The following SGCZ variants were observed in gnomAD, a reference collection of about 807,000 sequenced individuals.
SGCZ encodes the protein zeta-sarcoglycan.
Under a neutral mutation model 41.3 loss-of-function variants are expected in SGCZ, and 40 were observed. The observed-to-expected ratio is 0.97, with a 90% confidence interval of 0.75 to 1.26. SGCZ has a LOEUF of 1.26. Among genes scored for constraint, SGCZ ranks in the 50% most tolerant of loss-of-function variants. The pLI, the probability that SGCZ is intolerant of heterozygous loss-of-function variation, is 0.00. For synonymous variants in SGCZ, 206 were observed against 137.5 expected, an observed-to-expected ratio of 1.50 and a Z score of -3.49; for missense variants, 552 against 369.8, an observed-to-expected ratio of 1.49 and a Z score of -4.04.
intron 1 of SGCZ, among the ~76,000 whole-genome samples, chr8:15,035,040 A>G (rs958295719): frequency 6.6e-6 from 1 of 152,192 alleles, no homozygotes; most frequent in African/African-American, 2.4e-5. Flanking sequence ...AAACAAGTAC[A>G]TAGTCAAATT....
chr8:14,718,600 C>T (rs944258598), intron 1 of SGCZ, among the ~76,000 whole-genome samples: 1 of 151,802 alleles, frequency 6.6e-6, no homozygotes, highest in Non-Finnish European at 1.5e-5. Flanking sequence ...TATACATATA[C>T]AATTTAACAA....
chr8:14,851,601 C>T, intron 1 of SGCZ, among the ~76,000 whole-genome samples: 1 of 151,992 alleles, frequency 6.6e-6, no homozygotes. Context: ...GTTTACTGTC[C>T]TGTCAAAACA....
intron 1 of SGCZ, among the ~76,000 whole-genome samples, chr8:15,114,768 T>C (rs1404520036): frequency 2.6e-5 from 4 of 151,720 alleles, no homozygotes; most frequent in Non-Finnish European, 5.9e-5. Flanking sequence ...TTTTTTTTTT[T>C]TCAGTTTCTC....
At chr8:15,152,693 T>A (rs1224910889) in intron 1 of SGCZ, among the ~76,000 whole-genome samples, 3 of 152,268 alleles carry the variant, frequency 2.0e-5, no homozygotes, top group Admixed American at 2.0e-4. Flanking sequence ...TTAACTTACC[T>A]GGTCGAGAAT....
intron 4 of SGCZ, among the ~76,000 whole-genome samples, chr8:14,201,023 A>C (rs1805438043): frequency 6.6e-6 from 1 of 152,208 alleles, no homozygotes; most frequent in African/African-American, 2.4e-5. Flanking sequence ...GATGGAAAAC[A>C]AAAACACAAA....
intron 1 of SGCZ, among the ~76,000 whole-genome samples, chr8:14,570,184 C>T (rs968669160): frequency 6.6e-6 from 1 of 152,072 alleles, no homozygotes; most frequent in Non-Finnish European, 1.5e-5. Flanking sequence ...TCAAGCAGAG[C>T]AGGTAGGTGC....
chr8:14,123,127 C>A (rs1345727234), intron 5 of SGCZ, among the ~76,000 whole-genome samples: 2 of 152,062 alleles, frequency 1.3e-5, no homozygotes, highest in African/African-American at 2.4e-5. Context: ...TGGAAGAATG[C>A]AATAAAACTT....
chr8:14,234,414 A>G (rs1177889782), intron 4 of SGCZ, among the ~76,000 whole-genome samples: 1 of 152,066 alleles, frequency 6.6e-6, no homozygotes, highest in African/African-American at 2.4e-5. Flanking sequence ...CTACTTACAT[A>G]TATTTTTGAG....
chr8:15,052,542 C>G (rs1319334505), intron 1 of SGCZ, among the ~76,000 whole-genome samples: 1 of 152,028 alleles, frequency 6.6e-6, no homozygotes, highest in Non-Finnish European at 1.5e-5. Context: ...CGTTCTAACG[C>G]TCCTTCCTTG....
intron 1 of SGCZ, among the ~76,000 whole-genome samples, chr8:14,888,034 ATTC>A (rs1804874495): frequency 3.9e-5 from 6 of 152,180 alleles, no homozygotes; most frequent in Non-Finnish European, 8.8e-5. Flanking sequence ...TAATTCAGTC[ATTC>A]CACATTGTAT....
chr8:14,477,338 AGT>A (rs1406325589), intron 2 of SGCZ, among the ~76,000 whole-genome samples: 1 of 152,144 alleles, frequency 6.6e-6, no homozygotes, highest in East Asian at 1.9e-4. Flanking sequence ...TTTGGTTTTA[AGT>A]GTTTGATTTT....
rs1456069136 is a variant in SGCZ, at chr8:14,090,530, G to A, written c.852C>T (p.Cys284=). Residue 284 remains cysteine (C), a synonymous_variant, in exon 8 of 8, where the codon TGC becomes TGT. Transcript: ENST00000382080. ...GGTAAAGTTTGCCATTGGGGCAGAC[G>A]CAGAGTTCATACACTGTCTGTCGAG... is the stretch of plus-strand genomic sequence containing the variant. ...SSSRQTVYEL[C]VCPNGKLYLS... is the part of the protein sequence containing the mutation. 1.9e-5 allele frequency: 30 copies of A among 1,612,904 alleles called. No homozygotes were observed. The highest frequency in any genetic ancestry group is 2.2e-5 in the East Asian group (1 of 44,854).
chr8:14,993,923 T>A (rs1037764129), intron 1 of SGCZ, among the ~76,000 whole-genome samples: 1 of 152,168 alleles, frequency 6.6e-6, no homozygotes, highest in Non-Finnish European at 1.5e-5. Context: ...ATGGTATGAC[T>A]CTAGCTGCTG....
intron 1 of SGCZ, among the ~76,000 whole-genome samples, chr8:14,766,263 T>C (rs564514651): frequency 6.6e-6 from 1 of 152,244 alleles, no homozygotes; most frequent in Admixed American, 6.5e-5. Flanking sequence ...CCCAGCCAGA[T>C]AGGCATATTT....
chr8:14,743,328 A>G (rs1471118704), intron 1 of SGCZ, among the ~76,000 whole-genome samples: 1 of 152,094 alleles, frequency 6.6e-6, no homozygotes, highest in Admixed American at 6.6e-5. Context: ...CATGAAAACT[A>G]TATTTACAAA....
chr8:14,226,406 C>T (rs1404295489), intron 4 of SGCZ, among the ~76,000 whole-genome samples: 2 of 152,076 alleles, frequency 1.3e-5, no homozygotes, highest in African/African-American at 2.4e-5. Context: ...CTCCCCCATA[C>T]CATCCCTGTG....
rs17609486 is a variant in SGCZ, at chr8:15,141,536, G to C, written c.39+96049C>G. On this transcript the variant is annotated intron_variant, in intron 1 of 7. Transcript: ENST00000382080. The stretch of plus-strand genomic sequence containing the variant: ...GTACTCTCAATGATGATAAATGAAA[G>C]TGTATGACTTGGGTCCCTAGATTCT... 8.6e-3 allele frequency among the ~76,000 whole-genome samples: 1,308 copies of C among 152,336 alleles called. 74 individuals carry two copies. In the East Asian group the frequency reaches 0.14, roughly 17 times the overall value.
At chr8:14,921,782 T>A (rs1423560451) in intron 1 of SGCZ, among the ~76,000 whole-genome samples, 1 of 152,166 alleles carries the variant, frequency 6.6e-6, no homozygotes, top group East Asian at 1.9e-4. Context: ...TTAGTAAAAG[T>A]TCACTCCTTA....
chr8:14,953,834 A>T (rs1364172771), intron 1 of SGCZ, among the ~76,000 whole-genome samples: 1 of 152,236 alleles, frequency 6.6e-6, no homozygotes, highest in East Asian at 1.9e-4. Flanking sequence ...TGATTACTTC[A>T]GAGAGTTCAG....
Sources: allele counts gnomAD v4.1 joint callset (sites outside exome capture counted in the v4.1 genomes callset), GRCh38; gene constraint gnomAD v4.1.1; transcripts MANE v1.5; gene names NCBI Gene and HGNC (gene_info 2026-07-23, HGNC 2026-07-21).